Variants in BRI3 observed in about 807,000 individuals in gnomAD.
BRI3 encodes brain protein I3.
Under a neutral mutation model 12.8 loss-of-function variants are expected in BRI3, and 6 were observed. That is an observed-to-expected ratio of 0.47 (90% CI 0.26 to 0.93). BRI3 has a LOEUF of 0.93. Among genes scored for constraint, BRI3 ranks in the 40% least tolerant of loss-of-function variants. BRI3 has a pLI of 0.15. For missense variants in BRI3, 134 were observed against 171.1 expected (o/e 0.78, Z 1.21); for synonymous variants, 91 against 76.1 (o/e 1.20, Z -1.02).
At chr7:98,308,597 G>C (rs1356403752) in exon 2 of BRI3, 1 of 286,270 alleles carries the variant, frequency 3.5e-6, no homozygotes, top group Non-Finnish European at 7.0e-6. Context: ...TGAGCACGAG[G>C]CTGTGCTGTT....
chr7:98,305,389 C>T (rs138070590), upstream of BRI3, among the ~76,000 whole-genome samples: 50 of 152,106 alleles, frequency 3.3e-4, 1 homozygote, highest in African/African-American at 1.2e-3. Context: ...TTTTGTTCCC[C>T]AGCACAATGG....
chr7:98,288,357 AGGCAGGGCGTGCTGCAGTC>A, intron 2 of BRI3, among the ~76,000 whole-genome samples: 1 of 152,098 alleles, frequency 6.6e-6, no homozygotes, highest in Non-Finnish European at 1.5e-5. Context: ...TCCTGGAGCC[AGGCAGGGCGTGCTGCAGTC>A]GGCAGGGCTG....
At position 98,290,988 on chromosome 7, in the gene BRI3, C is replaced by T. The variant is rs75068952; in HGVS notation, c.246-123C>T. ...GGGTGGGGGGCTGTTTTCTGTCACT[C>T]GCCAGAGGTCCCCATGTGACTCATG... is the stretch of plus-strand genomic sequence containing the variant. On this transcript the variant is annotated intron_variant, in intron 2 of 2. Transcript: ENST00000297290. The T allele has an allele frequency of 2.6e-4, 298 of 1,155,160 alleles. No individual in the cohort carries two copies. The African/African-American group carries it at 3.7e-3, about 15-fold the overall frequency. The allele number at this position is 1,155,160 out of a possible 1,614,324, so 71.6% of individuals were successfully genotyped here.
At chr7:98,293,965 G>A (rs925407917), downstream of BRI3, 33 of 1,281,398 alleles carry the variant, frequency 2.6e-5, no homozygotes, top group Admixed American at 3.6e-4. Context: ...ACAGGCCGAG[G>A]CCTTTCTCAG....
intron 2 of BRI3, among the ~76,000 whole-genome samples, chr7:98,284,309 G>A (rs1012911294): frequency 6.6e-6 from 1 of 152,214 alleles, no homozygotes; most frequent in African/African-American, 2.4e-5. Context: ...CGCTCTGCCC[G>A]TGGTGCCTTG....
downstream of BRI3, chr7:98,293,560 C>T (rs1319530978): frequency 7.4e-6 from 12 of 1,613,744 alleles, 1 homozygote; most frequent in African/African-American, 5.3e-5. Flanking sequence ...TCGTCACAGT[C>T]GGGCGGAGTT....
intron 2 of BRI3, 47 bp downstream of exon 2, chr7:98,282,500 C>T (rs1156710194): frequency 3.3e-6 from 5 of 1,510,260 alleles, no homozygotes; most frequent in Admixed American, 1.7e-5. Context: ...GCTCTGAGGA[C>T]CCCCGCCCTA....
chr7:98,284,832 A>C (rs1584389434), intron 2 of BRI3, among the ~76,000 whole-genome samples: 1 of 151,654 alleles, frequency 6.6e-6, no homozygotes, highest in South Asian at 2.1e-4. Flanking sequence ...TGCTCCTCCC[A>C]CCCTCCTGCT....
intron 2 of BRI3, among the ~76,000 whole-genome samples, chr7:98,288,267 C>T (rs1179558469): frequency 6.6e-6 from 1 of 152,164 alleles, no homozygotes; most frequent in African/African-American, 2.4e-5. Flanking sequence ...TCTGTGGGGA[C>T]ACAGCTGGTG....
At chr7:98,315,627 A>ATAATAT in the BRI3 span, 1 of 1,005,562 alleles carries the variant, frequency 9.9e-7, no homozygotes, top group Non-Finnish European at 1.3e-6. Context: ...AAAAAAAAAA[A>ATAATAT]TAATAATAAT....
chr7:98,297,784 G>A (rs74336901), downstream of BRI3, among the ~76,000 whole-genome samples: 155 of 152,360 alleles, frequency 1.0e-3, no homozygotes, highest in African/African-American at 3.3e-3. Flanking sequence ...CTGCACCGGG[G>A]GCACTGGCGG....
chr7:98,312,600 G>C (rs1307280608), downstream of BRI3, among the ~76,000 whole-genome samples: 1 of 152,170 alleles, frequency 6.6e-6, no homozygotes, highest in Admixed American at 6.5e-5. Context: ...TTTTCCAGGT[G>C]GCCCCAGAAA....
downstream of BRI3, among the ~76,000 whole-genome samples, chr7:98,295,826 A>C (rs975666412): frequency 9.2e-5 from 14 of 152,228 alleles, no homozygotes. Flanking sequence ...AAAAGGTCCC[A>C]GTAAATCCTC....
At chr7:98,299,911 T>G (rs770449955) in intron 1 of BRI3, among the ~76,000 whole-genome samples, 15 of 151,996 alleles carry the variant, frequency 9.9e-5, no homozygotes, top group Non-Finnish European at 1.9e-4. Flanking sequence ...TGTGGTGGCA[T>G]GCACCTGTAG....
the BRI3 span, among the ~76,000 whole-genome samples, chr7:98,318,350 C>T: frequency 1.3e-5 from 2 of 152,120 alleles, no homozygotes; most frequent in Admixed American, 1.3e-4. Flanking sequence ...TTGCAGCAAG[C>T]TGAGATCGCG....
downstream of BRI3, chr7:98,292,867 G>C: frequency 6.9e-7 from 1 of 1,448,056 alleles, no homozygotes; most frequent in Non-Finnish European, 9.1e-7. Context: ...AAGAAAAGGA[G>C]CTCTCGGAGG....
the BRI3 span, chr7:98,315,444 T>G: frequency 4.3e-6 from 6 of 1,397,124 alleles, no homozygotes; most frequent in African/African-American, 7.4e-5. Context: ...TCAAGGCAAT[T>G]TGCCACCACA....
At position 98,281,820 on chromosome 7, in the gene BRI3, G is replaced by A. The variant is rs1799525255; in HGVS notation, c.25G>A (p.Glu9Lys). ...CATGGACCACAAGCCGCTGCTGCAGGAGCGGCCGCCCGCCTACAACCTGGA... is the reference window on the plus strand; with the variant it reads ...CATGGACCACAAGCCGCTGCTGCAGAAGCGGCCGCCCGCCTACAACCTGGA... The part of the protein sequence containing the change: MDHKPLLQ[E>K]RPPAYNLEAG... The change falls in exon 1 of 3, where the codon GAG (glutamate) becomes AAG (lysine). Residue 9 changes from glutamate (E) to lysine (K), a missense_variant. By Grantham distance (56) the Glu-to-Lys change is moderately conservative. Coordinates refer to ENST00000297290, the MANE Select transcript of BRI3 (RefSeq NM_015379.5). The A allele has an allele frequency of 3.2e-6, 4 of 1,256,900 alleles. No individual in the cohort carries two copies. Among genetic ancestry groups the A allele is most frequent in the South Asian group, 2.7e-5 (1 of 37,728 alleles). The allele number at this position is 1,256,900 out of a possible 1,614,324, so 77.9% of individuals were successfully genotyped here.
At chr7:98,283,359 A>T (rs1799596806) in intron 2 of BRI3, among the ~76,000 whole-genome samples, 1 of 152,152 alleles carries the variant, frequency 6.6e-6, no homozygotes, top group Non-Finnish European at 1.5e-5. Flanking sequence ...GAGCCTTAGC[A>T]GGCAACTTCC....
Sources: allele counts gnomAD v4.1 joint callset (sites outside exome capture counted in the v4.1 genomes callset), GRCh38; gene constraint gnomAD v4.1.1; transcripts MANE v1.5; gene names NCBI Gene and HGNC (gene_info 2026-07-23, HGNC 2026-07-21).